The following GRID1 variants were observed in gnomAD, a reference collection of about 807,000 sequenced individuals.
GRID1 encodes glutamate ionotropic receptor delta type subunit 1, also known as glutamate receptor ionotropic, delta-1.
Under a neutral mutation model 98.0 loss-of-function variants are expected in GRID1, and 28 were observed. That is an observed-to-expected ratio of 0.29 (90% CI 0.21 to 0.39). The LOEUF (loss-of-function observed/expected upper bound fraction) is 0.39, where lower values mean the gene tolerates loss of function less well. GRID1 is among the 10% of genes least tolerant of loss of function. The pLI, the probability that GRID1 is intolerant of heterozygous loss-of-function variation, is 1.00. For missense variants in GRID1, 1,111 were observed against 1,340.5 expected (o/e 0.83, Z 2.67); for synonymous variants, 553 against 538.5 (o/e 1.03, Z -0.37).
chr10:86,335,405 T>G (rs766321682), intron 2 of GRID1, among the ~76,000 whole-genome samples: 2 of 152,234 alleles, frequency 1.3e-5, no homozygotes, highest in Non-Finnish European at 2.9e-5. Context: ...AACACTGAGC[T>G]CACAAAAGTT....
chr10:86,285,381 A>T (rs1358518911), intron 2 of GRID1, among the ~76,000 whole-genome samples: 7 of 152,194 alleles, frequency 4.6e-5, no homozygotes, highest in African/African-American at 1.7e-4. Flanking sequence ...TGCCTAAACC[A>T]AATGTGACAT....
intron 2 of GRID1, among the ~76,000 whole-genome samples, chr10:86,217,942 T>C (rs1166150296): frequency 6.6e-6 from 1 of 152,094 alleles, no homozygotes; most frequent in Non-Finnish European, 1.5e-5. Context: ...TGATCCTGTG[T>C]CCAATTCTCC....
intron 6 of GRID1, among the ~76,000 whole-genome samples, chr10:85,868,411 C>T (rs937274990): frequency 1.3e-5 from 2 of 152,218 alleles, no homozygotes; most frequent in East Asian, 1.9e-4. Flanking sequence ...AAGCTAGTGC[C>T]GACTGCACAT....
chr10:86,112,613 G>T (rs1844505273), intron 4 of GRID1, among the ~76,000 whole-genome samples: 1 of 151,314 alleles, frequency 6.6e-6, no homozygotes, highest in African/African-American at 2.4e-5. Flanking sequence ...AGGGGTGGGG[G>T]TGGGGGTTGT....
At chr10:86,067,682 C>G (rs570810499) in intron 4 of GRID1, among the ~76,000 whole-genome samples, 2 of 152,364 alleles carry the variant, frequency 1.3e-5, no homozygotes, top group East Asian at 3.9e-4. Context: ...GCAAAGGCCT[C>G]TGCCTCACAC....
intron 12 of GRID1, among the ~76,000 whole-genome samples, chr10:85,672,071 G>C (rs529625555): frequency 6.6e-6 from 1 of 152,318 alleles, no homozygotes; most frequent in African/African-American, 2.4e-5. Flanking sequence ...AAGTGCTGAT[G>C]GAGCAGCAAG....
intron 2 of GRID1, among the ~76,000 whole-genome samples, chr10:86,363,620 G>A (rs1014318311): frequency 6.6e-6 from 1 of 152,106 alleles, no homozygotes; most frequent in African/African-American, 2.4e-5. Context: ...GAGAAACAAA[G>A]ACTGCCCCGA....
intron 3 of GRID1, among the ~76,000 whole-genome samples, chr10:86,193,172 T>A (rs1012048808): frequency 6.6e-6 from 1 of 151,998 alleles, no homozygotes. Context: ...TCAGGGTGGT[T>A]GGGGTGCAGT....
At chr10:85,974,970 A>C (rs1488886009) in intron 4 of GRID1, among the ~76,000 whole-genome samples, 1 of 152,208 alleles carries the variant, frequency 6.6e-6, no homozygotes, top group Non-Finnish European at 1.5e-5. Context: ...AATAACTTCT[A>C]GGTACATGTG....
chr10:86,032,810 A>C (rs1182913512), intron 4 of GRID1, among the ~76,000 whole-genome samples: 1 of 146,496 alleles, frequency 6.8e-6, no homozygotes, highest in African/African-American at 2.5e-5. Context: ...GAAACACCCA[A>C]GAATGATCAA....
intron 4 of GRID1, among the ~76,000 whole-genome samples, chr10:86,044,126 AGGT>A (rs1206265938): frequency 6.6e-6 from 1 of 152,236 alleles, no homozygotes; most frequent in Non-Finnish European, 1.5e-5. Flanking sequence ...AGGGTTTTCA[AGGT>A]CAGGAAATGA....
intron 3 of GRID1, among the ~76,000 whole-genome samples, chr10:86,169,809 G>A (rs1179901570): frequency 6.6e-6 from 1 of 152,228 alleles, no homozygotes; most frequent in Non-Finnish European, 1.5e-5. Flanking sequence ...CCCCAAAGAT[G>A]TCCCATCCTG....
intron 2 of GRID1, among the ~76,000 whole-genome samples, chr10:86,251,342 A>G (rs969465765): frequency 5.6e-4 from 72 of 128,276 alleles, no homozygotes; most frequent in African/African-American, 2.1e-3. Flanking sequence ...AGAATGATCA[A>G]TAAATACTAA....
intron 4 of GRID1, among the ~76,000 whole-genome samples, chr10:86,115,937 T>C (rs748786482): frequency 6.6e-6 from 1 of 152,226 alleles, no homozygotes. Flanking sequence ...GATATACATA[T>C]ACCATTAGAT....
At position 85,869,198 on chromosome 10, in the gene GRID1, C is replaced by A. The variant is rs749368017; in HGVS notation, c.781-18G>T. On this transcript the variant is annotated intron_variant, in intron 5 of 15. Transcript: ENST00000327946. The stretch of plus-strand genomic sequence containing the variant: ...CTGATTTCCTAGAAAAATAACCAGG[C>A]CCATGCTTACCATCCACTCATGAAC... The A allele has an allele frequency of 1.9e-6, 3 of 1,606,082 alleles. No homozygotes were observed. The highest frequency in any genetic ancestry group is 2.6e-6 in the Non-Finnish European group (3 of 1,172,848).
intron 8 of GRID1, among the ~76,000 whole-genome samples, chr10:85,808,809 T>C (rs73330536): frequency 0.022 from 3,288 of 152,142 alleles, 116 homozygotes; most frequent in African/African-American, 0.074. Context: ...TCTCCCACAA[T>C]GTCCAGGAAA....
At chr10:85,884,825 T>C (rs1201881427) in intron 5 of GRID1, among the ~76,000 whole-genome samples, 1 of 152,218 alleles carries the variant, frequency 6.6e-6, no homozygotes, top group Non-Finnish European at 1.5e-5. Flanking sequence ...GGCAAAATAC[T>C]GATGGATCTA....
intron 5 of GRID1, among the ~76,000 whole-genome samples, chr10:85,886,055 C>T (rs145423348): frequency 8.3e-4 from 125 of 149,948 alleles, no homozygotes; most frequent in African/African-American, 3.1e-3. Flanking sequence ...TGCCTGGTCC[C>T]AGACCCAGAG....
At chr10:85,726,942 T>C (rs1841767112) in intron 10 of GRID1, among the ~76,000 whole-genome samples, 1 of 152,216 alleles carries the variant, frequency 6.6e-6, no homozygotes, top group Non-Finnish European at 1.5e-5. Context: ...AAGGTGTTTC[T>C]GAAAAAGATT....
Sources: gnomAD v4.1 joint callset for allele counts (sites outside exome capture counted in the v4.1 genomes callset) on GRCh38, gnomAD v4.1.1 for gene constraint, MANE v1.5 for transcripts, NCBI Gene and HGNC (gene_info 2026-07-23, HGNC 2026-07-21) for gene names.